Variants in ZNF346 observed in about 807,000 individuals in gnomAD.
ZNF346 encodes the protein zinc finger protein 346, also known as double-stranded RNA-binding zinc finger protein JAZ.
Under a neutral mutation model 33.7 loss-of-function variants are expected in ZNF346, and 23 were observed. The observed-to-expected ratio is 0.68, with a 90% CI of 0.49 to 0.97. The LOEUF is 0.97. Among genes scored for constraint, ZNF346 ranks in the 50% least tolerant of loss-of-function variants. The pLI, the probability that ZNF346 is intolerant of heterozygous loss-of-function variation, is 0.00. For synonymous variants in ZNF346, 134 were observed against 142.4 expected, an observed-to-expected ratio of 0.94 and a Z score of 0.42; for missense variants, 340 against 371.1, an observed-to-expected ratio of 0.92 and a Z score of 0.69.
intron 4 of ZNF346, among the ~76,000 whole-genome samples, chr5:177,049,640 A>G (rs189202145): frequency 8.5e-5 from 13 of 152,292 alleles, no homozygotes; most frequent in Admixed American, 3.3e-4. Flanking sequence ...TTCTTGCCAC[A>G]CTGGCAGCCT....
chr5:177,063,065 G>GTTT (rs556962990), intron 6 of ZNF346, among the ~76,000 whole-genome samples: 34 of 142,980 alleles, frequency 2.4e-4, no homozygotes, highest in African/African-American at 6.6e-4. Context: ...ACAACATAAC[G>GTTT]TTTTTTTTTT....
chr5:177,033,745 G>A (rs1433289812), intron 1 of ZNF346, among the ~76,000 whole-genome samples: 2 of 151,930 alleles, frequency 1.3e-5, no homozygotes, highest in African/African-American at 4.8e-5. Flanking sequence ...GGATGGTCTC[G>A]ATCTCCTGAC....
At chr5:177,074,704 T>G (rs1019298680) in intron 8 of ZNF346, among the ~76,000 whole-genome samples, 1 of 152,166 alleles carries the variant, frequency 6.6e-6, no homozygotes, top group East Asian at 1.9e-4. Context: ...AATGAAAACG[T>G]TCGCTGAGAG....
At chr5:177,051,016 T>C in intron 5 of ZNF346, 80 bp downstream of exon 5, 2 of 1,150,326 alleles carry the variant, frequency 1.7e-6, no homozygotes, top group South Asian at 1.3e-5. Context: ...CGTTGTGCTT[T>C]TCCTCCTTAG....
At chr5:177,025,969 CT>C (rs1292624978) in intron 1 of ZNF346, among the ~76,000 whole-genome samples, 1 of 148,084 alleles carries the variant, frequency 6.8e-6, no homozygotes, top group Non-Finnish European at 1.5e-5. Flanking sequence ...GAAATTTTCT[CT>C]TGTAGATCTT....
At chr5:177,037,661 C>T in intron 1 of ZNF346, among the ~76,000 whole-genome samples, 1 of 152,180 alleles carries the variant, frequency 6.6e-6, no homozygotes, top group South Asian at 2.1e-4. Context: ...CCACTGACAA[C>T]CTGCCTAGTC....
intron 5 of ZNF346, among the ~76,000 whole-genome samples, chr5:177,051,424 C>G (rs1780874275): frequency 1.3e-5 from 2 of 151,936 alleles, no homozygotes; most frequent in Non-Finnish European, 2.9e-5. Flanking sequence ...ATCCGCCCAC[C>G]TCGGCCTCCC....
chr5:177,054,847 C>G (rs2149680921), intron 5 of ZNF346, among the ~76,000 whole-genome samples: 1 of 151,990 alleles, frequency 6.6e-6, no homozygotes, highest in East Asian at 1.9e-4. Flanking sequence ...ACAGAAGGAC[C>G]TCAAGTGAAC....
intron 1 of ZNF346, among the ~76,000 whole-genome samples, chr5:177,031,648 A>G (rs990117056): frequency 6.6e-6 from 1 of 152,088 alleles, no homozygotes; most frequent in African/African-American, 2.4e-5. Flanking sequence ...TTCATCAAAT[A>G]TGGGAGGTTT....
At chr5:177,029,738 C>A (rs1051565460) in intron 1 of ZNF346, among the ~76,000 whole-genome samples, 1 of 152,194 alleles carries the variant, frequency 6.6e-6, no homozygotes, top group Non-Finnish European at 1.5e-5. Flanking sequence ...CTGGGTCTTG[C>A]GTGTTACTTC....
At position 177,023,214 on chromosome 5, in the gene ZNF346, C is replaced by G. The variant is rs899260528; in HGVS notation, c.175+301C>G. The G allele has an allele frequency of 3.9e-6, 6 of 1,536,470 alleles. No individual in the cohort carries two copies. The African/African-American group carries it at 8.2e-5, about 21-fold the overall frequency. ...ATCCCTATACTCGTCCTGTCGGAGA[C>G]CTACAGTCTTTGCCATCCCGGTAAG... On this transcript the variant is annotated intron_variant, in intron 1 of 6. Coordinates refer to ENST00000358149, the MANE Select transcript of ZNF346 (RefSeq NM_012279.4).
chr5:177,070,743 TAGCCCC>T (rs1324012918), downstream of ZNF346, among the ~76,000 whole-genome samples: 1 of 152,158 alleles, frequency 6.6e-6, no homozygotes, highest in Admixed American at 6.5e-5. Flanking sequence ...GCATCTGGCA[TAGCCCC>T]ATGTAATAAG....
At chr5:177,053,241 G>A (rs1316212427) in intron 5 of ZNF346, among the ~76,000 whole-genome samples, 2 of 151,466 alleles carry the variant, frequency 1.3e-5, no homozygotes, top group Admixed American at 6.6e-5. Context: ...GCTTGAACCC[G>A]GGAGGTGGAG....
chr5:177,049,105 A>G (rs251843), intron 4 of ZNF346, among the ~76,000 whole-genome samples: 65,198 of 151,728 alleles, frequency 0.43, 14,227 homozygotes, highest in East Asian at 0.47. Flanking sequence ...CTTTTTTTAC[A>G]CTCAACACCA....
At chr5:177,028,342 T>C (rs1414953535) in intron 1 of ZNF346, among the ~76,000 whole-genome samples, 1 of 151,032 alleles carries the variant, frequency 6.6e-6, no homozygotes, top group East Asian at 1.9e-4. Context: ...CTGATTATTT[T>C]CTTGGTTAGT....
intron 5 of ZNF346, among the ~76,000 whole-genome samples, chr5:177,053,890 A>G (rs1781308111): frequency 6.6e-6 from 1 of 152,166 alleles, no homozygotes; most frequent in Non-Finnish European, 1.5e-5. Flanking sequence ...AACCCTCTAT[A>G]TACGGTGTTT....
chr5:177,027,042 C>T (rs1202798524), intron 1 of ZNF346, among the ~76,000 whole-genome samples: 1 of 152,056 alleles, frequency 6.6e-6, no homozygotes, highest in Admixed American at 6.6e-5. Context: ...AACTTGGATT[C>T]TTTAGATAAA....
chr5:177,061,091 G>A (rs1240503442), intron 5 of ZNF346, among the ~76,000 whole-genome samples: 2 of 113,168 alleles, frequency 1.8e-5, no homozygotes, highest in Non-Finnish European at 3.5e-5. Flanking sequence ...CAGCCTGGAC[G>A]ACAGAGCAAG....
intron 1 of ZNF346, among the ~76,000 whole-genome samples, chr5:177,027,927 A>G (rs1419850671): frequency 1.3e-5 from 2 of 150,904 alleles, no homozygotes; most frequent in Admixed American, 6.6e-5. Flanking sequence ...ATAGGCAAGC[A>G]TGCGCCATGG....
Sources: allele counts gnomAD v4.1 joint callset (sites outside exome capture counted in the v4.1 genomes callset), GRCh38; gene constraint gnomAD v4.1.1; transcripts MANE v1.5; gene names NCBI Gene and HGNC (gene_info 2026-07-23, HGNC 2026-07-21).